UBE2O: variants seen among roughly 807,000 people sequenced by gnomAD.
The protein encoded by UBE2O is ubiquitin conjugating enzyme E2 O.
A neutral mutation model predicts 125.8 loss-of-function variants in UBE2O; 15 were observed. The observed-to-expected ratio is 0.12, with a 90% confidence interval of 0.08 to 0.18. The LOEUF (loss-of-function observed/expected upper bound fraction) is 0.18. Among genes scored for constraint, UBE2O ranks in the 10% least tolerant of loss-of-function variants. The pLI is 1.00. For synonymous variants in UBE2O, 708 were observed against 703.2 expected, an observed-to-expected ratio of 1.01 and a Z score of -0.11; for missense variants, 1,280 against 1,723.6, an observed-to-expected ratio of 0.74 and a Z score of 4.56.
chr17:76,437,734 T>TA (rs2073021842), intron 1 of UBE2O, among the ~76,000 whole-genome samples: 1 of 152,190 alleles, frequency 6.6e-6, no homozygotes, highest in African/African-American at 2.4e-5. Flanking sequence ...TCAATTTTTT[T>TA]ACTTTCGACA....
At chr17:76,445,975 C>T (rs1381055410) in intron 1 of UBE2O, among the ~76,000 whole-genome samples, 1 of 152,182 alleles carries the variant, frequency 6.6e-6, no homozygotes, top group African/African-American at 2.4e-5. Context: ...CAAGTGGAGC[C>T]TCAGGAAGGA....
At chr17:76,414,211 C>A (rs1709355011) in intron 1 of UBE2O, among the ~76,000 whole-genome samples, 1 of 152,236 alleles carries the variant, frequency 6.6e-6, no homozygotes, top group Admixed American at 6.5e-5. Flanking sequence ...CTGGAAAATT[C>A]TGTCAATCAT....
intron 1 of UBE2O, among the ~76,000 whole-genome samples, chr17:76,435,150 A>G (rs118164903): frequency 6.6e-6 from 1 of 152,320 alleles, no homozygotes; most frequent in East Asian, 1.9e-4. Context: ...CGGGAAGGTC[A>G]GGATCCAGAT....
intron 1 of UBE2O, among the ~76,000 whole-genome samples, chr17:76,434,100 TTGTC>T (rs2072945589): frequency 6.6e-6 from 1 of 152,222 alleles, no homozygotes; most frequent in Admixed American, 6.5e-5. Flanking sequence ...TCTGTTTTCT[TTGTC>T]TGTGGCTTCC....
chr17:76,434,674 C>T (rs1373649793), intron 1 of UBE2O, among the ~76,000 whole-genome samples: 3 of 151,838 alleles, frequency 2.0e-5, no homozygotes, highest in Non-Finnish European at 2.9e-5. Flanking sequence ...TCAGAGTGGT[C>T]CCACACTGCT....
intron 1 of UBE2O, among the ~76,000 whole-genome samples, chr17:76,441,859 T>C (rs1332892061): frequency 6.6e-6 from 1 of 152,252 alleles, no homozygotes; most frequent in African/African-American, 2.4e-5. Context: ...GTAATAGGCC[T>C]GGCATAGCCA....
Position 76,405,752 on chromosome 17 carries a change from G to A in UBE2O, c.418-180C>T, listed in dbSNP as rs1742622637. ...CTCCGACCAGCACCCAGACCCACAG[G>A]CAGAGCGCGTCACGCCCACAGGCCT... On this transcript the variant is annotated intron_variant, in intron 1 of 17. Coordinates refer to ENST00000319380, the MANE Select transcript of UBE2O (RefSeq NM_022066.4). This position sits in a 1 kb window ranked among gnomAD's most constrained non-coding sequence, Gnocchi z 6.1. 6.6e-6 allele frequency among the ~76,000 whole-genome samples: 1 copy of A among 152,142 alleles called. No individual in the cohort carries two copies. The highest frequency in any genetic ancestry group is 1.5e-5 in the Non-Finnish European group (1 of 68,024).
Position 76,391,687 on chromosome 17 carries a change from G to A in UBE2O, c.3208+69C>T, listed in dbSNP as rs929295038. 106 of 1,603,792 alleles carry A rather than the reference G, an allele frequency of 6.6e-5. No individual in the cohort carries two copies. The highest frequency in any genetic ancestry group is 2.3e-4 in the Admixed American group (14 of 59,700). On this transcript the variant is annotated intron_variant, in intron 17 of 17. Coordinates refer to ENST00000319380, the MANE Select transcript of UBE2O (RefSeq NM_022066.4). The surrounding 1 kb of genome is among the most constrained non-coding windows in gnomAD (Gnocchi z 8.4). ...GCAGGCCTACCCTCCACCTGCCAGG[G>A]GGACTATCAGAGTCACTTTCCTCCA...
rs1320161794 is a variant in UBE2O at position 76,411,618 on chromosome 17, C to T, written c.418-6046G>A. ...CCAAACAGGACGAGACATGGGTGCT[C>T]TCTTTTAATCCCGGGGTAAAAGGCA... On this transcript the variant is annotated intron_variant, in intron 1 of 17. Coordinates refer to ENST00000319380, the MANE Select transcript of UBE2O (RefSeq NM_022066.4). Among the ~76,000 whole-genome samples, 3 of 152,360 alleles carry T rather than the reference C, an allele frequency of 2.0e-5. No homozygotes were observed. The East Asian group carries it at 5.8e-4, about 29-fold the overall frequency.
rs757907694 is a variant in UBE2O, at chr17:76,399,751, T to G, written c.1326A>C (p.Pro442=). The change falls in exon 9 of 18, where the codon CCA becomes CCC. Residue 442 remains proline (P), a synonymous_variant. Coordinates refer to ENST00000319380, the MANE Select transcript of UBE2O (RefSeq NM_022066.4). This position sits in a 1 kb window ranked among gnomAD's most constrained non-coding sequence, Gnocchi z 6.9. ...PEETPDGSAS[P]VEMQDEGAEE... ...CTGCACCCTCGTCCTGCATCTCCAC[T>G]GGACTGGCAGAGCCATCGGGCGTCT... The G allele has an allele frequency of 1.9e-6, 3 of 1,614,064 alleles. No homozygotes were observed. The highest frequency in any genetic ancestry group is 1.7e-5 in the Admixed American group (1 of 60,004).
At chr17:76,437,461 A>AG (rs1329021624) in intron 1 of UBE2O, among the ~76,000 whole-genome samples, 1 of 151,790 alleles carries the variant, frequency 6.6e-6, no homozygotes, top group Non-Finnish European at 1.5e-5. Context: ...AAAAAAAAAA[A>AG]AAAGAAAAAG....
chr17:76,416,180 GTGTA>G (rs2072612497), intron 1 of UBE2O, among the ~76,000 whole-genome samples: 1 of 151,680 alleles, frequency 6.6e-6, no homozygotes, highest in Non-Finnish European at 1.5e-5. Flanking sequence ...ACGTGTGTGT[GTGTA>G]TATGTATATG....
chr17:76,411,529 A>G (rs1388489544), intron 1 of UBE2O, among the ~76,000 whole-genome samples: 1 of 152,218 alleles, frequency 6.6e-6, no homozygotes, highest in East Asian at 1.9e-4. Flanking sequence ...AAGCACTTAC[A>G]GCTCAAGGCT....
At chr17:76,436,525 G>A (rs2073000678) in intron 1 of UBE2O, among the ~76,000 whole-genome samples, 1 of 152,062 alleles carries the variant, frequency 6.6e-6, no homozygotes, top group Non-Finnish European at 1.5e-5. Context: ...TTACACCTGG[G>A]ACTTTCCCTC....
intron 1 of UBE2O, among the ~76,000 whole-genome samples, chr17:76,429,517 G>T (rs1422468119): frequency 1.4e-5 from 2 of 143,582 alleles, no homozygotes; most frequent in Admixed American, 1.4e-4. Flanking sequence ...ACTCCAGCCT[G>T]GGTGACAGAG....
chr17:76,415,274 A>T (rs1211095230), intron 1 of UBE2O, among the ~76,000 whole-genome samples: 1 of 152,124 alleles, frequency 6.6e-6, no homozygotes, highest in Non-Finnish European at 1.5e-5. Context: ...GCCAGGAAAG[A>T]ACCCCACGTG....
intron 15 of UBE2O, among the ~76,000 whole-genome samples, chr17:76,393,779 T>C (rs537995062): frequency 6.6e-6 from 1 of 152,076 alleles, no homozygotes; most frequent in African/African-American, 2.4e-5. Context: ...CGTGCATCTG[T>C]GCACACACGC....
chr17:76,425,351 T>C (rs2072794965), intron 1 of UBE2O, among the ~76,000 whole-genome samples: 1 of 151,108 alleles, frequency 6.6e-6, no homozygotes, highest in South Asian at 2.1e-4. Context: ...ATCAAAACAA[T>C]GCATGCCTAA....
intron 1 of UBE2O, among the ~76,000 whole-genome samples, chr17:76,448,166 C>T (rs1018621901): frequency 3.3e-5 from 5 of 152,156 alleles, no homozygotes; most frequent in Non-Finnish European, 7.4e-5. Context: ...GACAGAAGCA[C>T]CATCAGGGCA....
Sources: gnomAD v4.1 joint callset for allele counts (sites outside exome capture counted in the v4.1 genomes callset) on GRCh38, gnomAD v4.1.1 for gene constraint, Gnocchi (gnomAD v3.1) non-coding constraint, MANE v1.5 for transcripts, NCBI Gene and HGNC (gene_info 2026-07-23, HGNC 2026-07-21) for gene names.